Variants in AAK1 observed in about 807,000 individuals in gnomAD.
The protein encoded by AAK1 is AP2 associated kinase 1.
Under a neutral mutation model 116.0 loss-of-function variants are expected in AAK1, and 37 were observed. The observed-to-expected ratio is 0.32, with a 90% CI of 0.25 to 0.42. The LOEUF is 0.42. AAK1 is among the 10% of genes least tolerant of loss of function. The pLI is 1.00. For synonymous variants in AAK1, 458 were observed against 439.9 expected, an observed-to-expected ratio of 1.04 and a Z score of -0.51; for missense variants, 919 against 1,170.6, an observed-to-expected ratio of 0.79 and a Z score of 3.14.
At chr2:69,569,126 T>C (rs1246459519) in intron 2 of AAK1, among the ~76,000 whole-genome samples, 1 of 152,250 alleles carries the variant, frequency 6.6e-6, no homozygotes, top group Non-Finnish European at 1.5e-5. Flanking sequence ...TTGTATGGAA[T>C]GACTCCTCTT....
intron 12 of AAK1, among the ~76,000 whole-genome samples, chr2:69,516,150 A>C (rs1467085356): frequency 6.6e-6 from 1 of 152,230 alleles, no homozygotes; most frequent in Admixed American, 6.5e-5. Context: ...CCGGTGTATC[A>C]AATTGGTAGC....
chr2:69,632,601 A>C (rs1675233905), intron 2 of AAK1, among the ~76,000 whole-genome samples: 1 of 152,242 alleles, frequency 6.6e-6, no homozygotes, highest in Non-Finnish European at 1.5e-5. Context: ...TTGTTTTCTT[A>C]GAATCAATGA....
chr2:69,475,364 G>T lies in AAK1; in HGVS notation c.*505C>A. On this transcript the variant is annotated 3_prime_UTR_variant, in exon 22 of 22. Transcript: ENST00000409085. ...ACCACACACCCATCTCCAGGCTACT[G>T]CCTAGAGTTAAGACCAACTGAAGTA... 1 of 988,084 alleles carries T rather than the reference G, an allele frequency of 1.0e-6. No homozygotes were observed. Among genetic ancestry groups the T allele is most frequent in the South Asian group, 4.7e-5 (1 of 21,478 alleles). 61.2% of individuals were successfully genotyped at this position (988,084 alleles called of 1,614,324 possible).
At chr2:69,551,419 A>T (rs901621297) in intron 3 of AAK1, among the ~76,000 whole-genome samples, 7 of 152,196 alleles carry the variant, frequency 4.6e-5, no homozygotes, top group Non-Finnish European at 4.4e-5. Flanking sequence ...AAATAAAATA[A>T]TCTGTTCCAG....
intron 2 of AAK1, among the ~76,000 whole-genome samples, chr2:69,641,061 C>T (rs573025145): frequency 2.6e-5 from 4 of 152,282 alleles, no homozygotes; most frequent in East Asian, 1.9e-4. Flanking sequence ...ATACGTGATG[C>T]GCAGTTCTCA....
At chr2:69,522,534 T>C (rs1317606575) in intron 10 of AAK1, among the ~76,000 whole-genome samples, 1 of 152,204 alleles carries the variant, frequency 6.6e-6, no homozygotes, top group Admixed American at 6.5e-5. Flanking sequence ...CTGGGTGTGG[T>C]GGCTCACACC....
intron 2 of AAK1, among the ~76,000 whole-genome samples, chr2:69,637,295 G>A (rs965773147): frequency 6.6e-6 from 1 of 152,128 alleles, no homozygotes; most frequent in African/African-American, 2.4e-5. Context: ...CTGTTCCCCA[G>A]CTCTTTTACA....
At chr2:69,501,259 AC>A (rs1026102069) in intron 16 of AAK1, among the ~76,000 whole-genome samples, 43 of 152,206 alleles carry the variant, frequency 2.8e-4, no homozygotes, top group African/African-American at 9.9e-4. Context: ...TACAATTTAC[AC>A]AAACAAAGCT....
chr2:69,543,898 C>T (rs1011804641), intron 4 of AAK1, among the ~76,000 whole-genome samples: 4 of 152,174 alleles, frequency 2.6e-5, no homozygotes, highest in South Asian at 4.1e-4. Context: ...AAACTTGAAG[C>T]TTTCAATGAC....
At chr2:69,489,234 T>C (rs951064675) in intron 17 of AAK1, among the ~76,000 whole-genome samples, 1 of 151,450 alleles carries the variant, frequency 6.6e-6, no homozygotes, top group African/African-American at 2.4e-5. Flanking sequence ...GTGGATCACC[T>C]GAGGTCAGGA....
intron 12 of AAK1, among the ~76,000 whole-genome samples, chr2:69,515,832 A>G (rs970360477): frequency 3.0e-5 from 4 of 131,620 alleles, no homozygotes; most frequent in Non-Finnish European, 6.9e-5. Context: ...ACAAATTAGA[A>G]GATGTCAAAA....
intron 17 of AAK1, among the ~76,000 whole-genome samples, chr2:69,490,908 T>A (rs1162710600): frequency 6.9e-6 from 1 of 144,002 alleles, no homozygotes; most frequent in Non-Finnish European, 1.5e-5. Flanking sequence ...CTAAAATATA[T>A]CTATGTGTGT....
rs141392775 is a variant in AAK1, at chr2:69,489,038, G to A, written c.2366-6226C>T. On this transcript the variant is annotated intron_variant, in intron 17 of 21. Transcript: ENST00000409085. ...TTTTTTTTTTTTTTGAAAAAATGGC[G>A]TCCCTGTATGTTACCCAGTCTCATC... Among the ~76,000 whole-genome samples the A allele has an allele frequency of 3.1e-3, 459 of 149,502 alleles. 2 individuals carry two copies. The highest frequency in any genetic ancestry group is 8.6e-3 in the African/African-American group (351 of 40,738).
chr2:69,556,758 T>A, intron 3 of AAK1, 102 bp downstream of exon 3: 3 of 834,460 alleles, frequency 3.6e-6, no homozygotes, highest in Non-Finnish European at 5.9e-6. Flanking sequence ...GAGGCCTCTG[T>A]ACCATCTCAG....
At position 69,472,148 on chromosome 2, in the gene AAK1, C is replaced by T; in HGVS notation, c.*3721G>A. 2.0e-6 allele frequency: 2 copies of T among 984,114 alleles called. No individual in the cohort carries two copies. Among genetic ancestry groups the T allele is most frequent in the Non-Finnish European group, 2.4e-6 (2 of 828,766 alleles). The allele number at this position is 984,114 out of a possible 1,614,324, so 61.0% of individuals were successfully genotyped here. Reference sequence around the variant, plus strand: ...ATTCAGAAAATTACAGAAATTAAGTCTTAATCATGTTCACTTTCTATTATA... The same window carrying T: ...ATTCAGAAAATTACAGAAATTAAGTTTTAATCATGTTCACTTTCTATTATA... On this transcript the variant is annotated 3_prime_UTR_variant, in exon 22 of 22. Transcript: ENST00000409085.
chr2:69,464,649 C>A lies in AAK1; in HGVS notation c.*11220G>T, dbSNP rs750704540. ...TGGAAATGCTTCCTGTGCACACACA[C>A]GTATACATGCACACACAAACCTGTA... On this transcript the variant is annotated 3_prime_UTR_variant, in exon 22 of 22. Coordinates refer to ENST00000409085, the MANE Select transcript of AAK1 (RefSeq NM_014911.5). 6.6e-6 allele frequency: 1 copy of A among 152,090 alleles called. No homozygotes were observed. Among genetic ancestry groups the A allele is most frequent in the East Asian group, 2.1e-4 (1 of 4,848 alleles). 9.4% of individuals were successfully genotyped at this position (152,090 alleles called of 1,614,324 possible).
chr2:69,498,458 C>T (rs547594917), intron 16 of AAK1, among the ~76,000 whole-genome samples: 33 of 152,262 alleles, frequency 2.2e-4, no homozygotes, highest in African/African-American at 7.7e-4. Context: ...TTCCACCCCA[C>T]CCACCTCTAT....
rs566772317 is a variant in AAK1 at position 69,567,037 on chromosome 2, C to T, written c.164-10059G>A. Reference sequence around the variant, plus strand: ...AAAACTCCAAATACTGACCAAGGCCCGCAATTCCCAGAGTGATGTGGTCTC... The same window carrying T: ...AAAACTCCAAATACTGACCAAGGCCTGCAATTCCCAGAGTGATGTGGTCTC... On this transcript the variant is annotated intron_variant, in intron 2 of 21. Coordinates refer to ENST00000409085, the MANE Select transcript of AAK1 (RefSeq NM_014911.5). Among the ~76,000 whole-genome samples the T allele has an allele frequency of 8.1e-4, 123 of 152,342 alleles. No homozygotes were observed. In the Middle Eastern group the frequency reaches 0.01, roughly 13 times the overall value.
At chr2:69,632,823 G>A (rs900795627) in intron 2 of AAK1, among the ~76,000 whole-genome samples, 2 of 151,994 alleles carry the variant, frequency 1.3e-5, no homozygotes, top group Non-Finnish European at 2.9e-5. Context: ...CACGAGGTCG[G>A]GAGATCGAGA....
Sources: gnomAD v4.1 joint callset for allele counts (sites outside exome capture counted in the v4.1 genomes callset) on GRCh38, gnomAD v4.1.1 for gene constraint, MANE v1.5 for transcripts, NCBI Gene and HGNC (gene_info 2026-07-23, HGNC 2026-07-21) for gene names.